Variants in PCCA observed in about 807,000 individuals in gnomAD.
The protein encoded by PCCA is propionyl-CoA carboxylase alpha chain, mitochondrial.
Under a neutral mutation model 101.3 loss-of-function variants are expected in PCCA, and 74 were observed. The observed-to-expected ratio is 0.73, with a 90% CI of 0.61 to 0.89. The LOEUF (loss-of-function observed/expected upper bound fraction) is 0.89, where lower values mean the gene tolerates loss of function less well. Among genes scored for constraint, PCCA ranks in the 40% least tolerant of loss-of-function variants. PCCA has a pLI of 0.00. For synonymous variants in PCCA, 294 were observed against 313.6 expected (o/e 0.94, Z 0.66); for missense variants, 891 against 907.0 (o/e 0.98, Z 0.23).
At chr13:100,347,541 A>G (rs1402195667) in intron 18 of PCCA, among the ~76,000 whole-genome samples, 1 of 152,234 alleles carries the variant, frequency 6.6e-6, no homozygotes, top group East Asian at 1.9e-4. Context: ...TGTTTTAGAT[A>G]GTTTAAACAC....
chr13:100,157,853 G>T (rs2054034335), intron 6 of PCCA, among the ~76,000 whole-genome samples: 2 of 148,896 alleles, frequency 1.3e-5, no homozygotes, highest in Non-Finnish European at 2.9e-5. Context: ...TATTTTTTAG[G>T]TACTAGAATA....
chr13:100,111,874 G>T lies in PCCA; in HGVS notation c.217G>T (p.Glu73Ter), dbSNP rs2152278559. Residue 73 changes from glutamate (E) to a stop codon, truncating the protein, a stop_gained, in exon 3 of 24, where the codon GAA (glutamate) becomes TAA (stop). Coordinates refer to ENST00000376285, the MANE Select transcript of PCCA (RefSeq NM_000282.4). LOFTEE classifies it high-confidence loss of function. ...FDKILVANRG[E>*]IACRVIRTCK... ...TAAAATTCTTGTTGCTAATAGAGGA[G>T]AAATTGCATGTCGGGTGAGTAGAAT... The T allele has an allele frequency of 6.2e-7, 1 of 1,610,340 alleles. No homozygotes were observed. Among genetic ancestry groups the T allele is most frequent in the Non-Finnish European group, 8.5e-7 (1 of 1,177,236 alleles).
intron 19 of PCCA, among the ~76,000 whole-genome samples, chr13:100,375,121 T>A (rs576367163): frequency 5.3e-5 from 8 of 152,338 alleles, no homozygotes; most frequent in Non-Finnish European, 1.2e-4. Flanking sequence ...AATTTTGTTA[T>A]TTACCCAGTA....
intron 21 of PCCA, among the ~76,000 whole-genome samples, chr13:100,453,767 A>G (rs1278360426): frequency 1.3e-5 from 2 of 152,142 alleles, no homozygotes; most frequent in African/African-American, 4.8e-5. Context: ...AAAAAACACA[A>G]GAAACAAAAA....
chr13:100,482,772 G>A (rs1171451319), intron 21 of PCCA, among the ~76,000 whole-genome samples: 1 of 152,174 alleles, frequency 6.6e-6, no homozygotes, highest in African/African-American at 2.4e-5. Context: ...TGTAATCCCA[G>A]CACTTTGGGA....
In PCCA at chr13:100,487,674, T is replaced by C. The variant is rs528510660; in HGVS notation, c.1900-27753T>C. Reference sequence around the variant, plus strand: ...CTTTGGGCATGTACTAAGTAGCCTTTCCCAGAGCTCATTTTGTGGGATACC... The same window carrying C: ...CTTTGGGCATGTACTAAGTAGCCTTCCCCAGAGCTCATTTTGTGGGATACC... On this transcript the variant is annotated intron_variant, in intron 21 of 23. Transcript: ENST00000376285. Among the ~76,000 whole-genome samples, 3 of 152,306 alleles carry C rather than the reference T, an allele frequency of 2.0e-5. No homozygotes were observed. In the East Asian group the frequency reaches 5.8e-4, roughly 29 times the overall value.
chr13:100,443,234 T>A (rs1398875194), intron 20 of PCCA, among the ~76,000 whole-genome samples: 1 of 151,888 alleles, frequency 6.6e-6, no homozygotes, highest in Non-Finnish European at 1.5e-5. Flanking sequence ...GGGGAAAAAA[T>A]TAAAGAAGAA....
chr13:100,527,975 A>T (rs1221518210), intron 23 of PCCA, among the ~76,000 whole-genome samples: 1 of 152,250 alleles, frequency 6.6e-6, no homozygotes, highest in African/African-American at 2.4e-5. Context: ...ATGTTCAGGT[A>T]GTCAAAGAAC....
chr13:100,440,551 T>C (rs977220660), intron 20 of PCCA, among the ~76,000 whole-genome samples: 1 of 152,044 alleles, frequency 6.6e-6, no homozygotes, highest in East Asian at 1.9e-4. Context: ...AAAATTAATA[T>C]TTTAATTAGA....
At chr13:100,089,414 C>T (rs1297249351) in intron 1 of PCCA, among the ~76,000 whole-genome samples, 189 bp downstream of exon 1, 4 of 152,252 alleles carry the variant, frequency 2.6e-5, no homozygotes, top group African/African-American at 9.6e-5. Context: ...AGGCATCCCT[C>T]GTTGCAGCTG....
chr13:100,237,259 T>G (rs574942564), intron 8 of PCCA: 1 of 152,262 alleles, frequency 6.6e-6, no homozygotes, highest in Non-Finnish European at 1.5e-5. Context: ...TGTTTGTAGT[T>G]GGTACTGTCT....
At chr13:100,185,267 C>A (rs1275907672) in intron 6 of PCCA, among the ~76,000 whole-genome samples, 1 of 152,124 alleles carries the variant, frequency 6.6e-6, no homozygotes, top group Non-Finnish European at 1.5e-5. Context: ...TTTGAACTTT[C>A]TATAGATAGA....
At chr13:100,378,939 G>C (rs1266139178) in intron 19 of PCCA, among the ~76,000 whole-genome samples, 1 of 151,980 alleles carries the variant, frequency 6.6e-6, no homozygotes, top group Non-Finnish European at 1.5e-5. Context: ...TTTTGGATGG[G>C]ATCTGTTGCT....
At chr13:100,305,461 C>T (rs1012028352) in intron 14 of PCCA, among the ~76,000 whole-genome samples, 2 of 152,110 alleles carry the variant, frequency 1.3e-5, no homozygotes, top group Non-Finnish European at 2.9e-5. Flanking sequence ...AGCTTTGTAG[C>T]AGTTTATGTA....
At chr13:100,364,485 A>G (rs1358809500) in intron 18 of PCCA, among the ~76,000 whole-genome samples, 5 of 152,180 alleles carry the variant, frequency 3.3e-5, no homozygotes, top group Non-Finnish European at 5.9e-5. Flanking sequence ...TCAGGTTTGT[A>G]TTTTTTAAAA....
At chr13:100,253,009 A>G (rs1394593736) in intron 8 of PCCA, among the ~76,000 whole-genome samples, 1 of 152,126 alleles carries the variant, frequency 6.6e-6, no homozygotes, top group Non-Finnish European at 1.5e-5. Context: ...TGCTCGCTCT[A>G]TCTTGTCATT....
chr13:100,108,788 C>A (rs1370332732), intron 2 of PCCA, among the ~76,000 whole-genome samples: 1 of 152,202 alleles, frequency 6.6e-6, no homozygotes, highest in East Asian at 1.9e-4. Flanking sequence ...ATAGGCATAG[C>A]CTACCTGGAA....
intron 10 of PCCA, among the ~76,000 whole-genome samples, chr13:100,265,250 A>T (rs1409434688): frequency 6.6e-6 from 1 of 152,102 alleles, no homozygotes; most frequent in South Asian, 2.1e-4. Flanking sequence ...TGTTTTAGGT[A>T]TGATATTTAA....
intron 21 of PCCA, among the ~76,000 whole-genome samples, chr13:100,506,662 G>A (rs533634385): frequency 9.8e-4 from 149 of 152,246 alleles, no homozygotes; most frequent in Non-Finnish European, 1.7e-3. Flanking sequence ...TCCAACCTGG[G>A]GGGGACTGAG....
Sources: gnomAD v4.1 joint callset for allele counts (sites outside exome capture counted in the v4.1 genomes callset) on GRCh38, gnomAD v4.1.1 for gene constraint, MANE v1.5 for transcripts, NCBI Gene and HGNC (gene_info 2026-07-23, HGNC 2026-07-21) for gene names.